The following MPP4 variants were observed in gnomAD, a reference collection of about 807,000 sequenced individuals.
MPP4 encodes the protein MAGUK p55 subfamily member 4.
In MPP4, 91 loss-of-function variants were observed where a neutral mutation model predicts 98.3. The observed-to-expected ratio is 0.93, with a 90% CI of 0.78 to 1.10. MPP4 has a LOEUF of 1.10. Among genes scored for constraint, MPP4 ranks in the 50% least tolerant of loss-of-function variants. MPP4 has a pLI of 0.00. For missense variants in MPP4, 744 were observed against 792.9 expected, an observed-to-expected ratio of 0.94 and a Z score of 0.74; for synonymous variants, 261 against 271.8, an observed-to-expected ratio of 0.96 and a Z score of 0.39.
At position 201,680,962 on chromosome 2, in the gene MPP4, G is replaced by A. The variant is rs1215400176; in HGVS notation, c.805C>T (p.Pro269Ser). ...TGGAGGATGTCCCCCTTCTGGAAAG[G>A]CAATCCAGCGTCCATGCAGGGGATG... ...PDIPCMDAGL[P>S]FQKGDILQIV... Residue 269 changes from proline (P) to serine (S), a missense_variant, in exon 10 of 22, where the codon CCT becomes TCT. Physicochemically the swap from Pro to Ser is moderately conservative, Grantham distance 74 (BLOSUM62 -1). Coordinates refer to ENST00000409474, the MANE Select transcript of MPP4 (RefSeq NM_033066.3). 1.9e-6 allele frequency: 3 copies of A among 1,613,734 alleles called. No individual in the cohort carries two copies. The highest frequency in any genetic ancestry group is 2.5e-6 in the Non-Finnish European group (3 of 1,179,876).
chr2:201,688,624 TTTG>T (rs1363988575), intron 4 of MPP4, among the ~76,000 whole-genome samples: 1 of 152,122 alleles, frequency 6.6e-6, no homozygotes, highest in Non-Finnish European at 1.5e-5. Flanking sequence ...GGTTTGTTTG[TTTG>T]TTTTTTGAGA....
chr2:201,683,833 T>C (rs781759101), intron 7 of MPP4, among the ~76,000 whole-genome samples: 5 of 152,040 alleles, frequency 3.3e-5, no homozygotes, highest in Non-Finnish European at 5.9e-5. Flanking sequence ...TCTTGGTATT[T>C]ACAATGAGAA....
chr2:201,692,859 C>T, intron 3 of MPP4, 49 bp downstream of exon 3: 1 of 1,588,908 alleles, frequency 6.3e-7, no homozygotes, highest in African/African-American at 1.3e-5. Flanking sequence ...CTACACACTC[C>T]CCACAACCCC....
intron 18 of MPP4, among the ~76,000 whole-genome samples, chr2:201,653,236 G>C (rs1455112869): frequency 6.6e-6 from 1 of 152,146 alleles, no homozygotes; most frequent in African/African-American, 2.4e-5. Context: ...GCCACTTCCT[G>C]TAAGCTCTTC....
At chr2:201,662,946 T>C (rs1041142823) in intron 14 of MPP4, among the ~76,000 whole-genome samples, 14 of 152,180 alleles carry the variant, frequency 9.2e-5, no homozygotes, top group African/African-American at 2.9e-4. Context: ...GTCAACATTA[T>C]TTTGAGGGAC....
At chr2:201,694,135 G>A in intron 1 of MPP4, 81 bp from the exon 2 acceptor site, 1 of 1,361,780 alleles carries the variant, frequency 7.3e-7, no homozygotes, top group Non-Finnish European at 9.8e-7. Context: ...ATGAAACACA[G>A]TCTTCCCCTG....
intron 16 of MPP4, 135 bp from the exon 17 acceptor site, chr2:201,656,503 A>T: frequency 1.2e-6 from 1 of 853,372 alleles, no homozygotes; most frequent in Non-Finnish European, 1.7e-6. Flanking sequence ...AAGTTAGAAG[A>T]TGGGAAGTAA....
intron 11 of MPP4, among the ~76,000 whole-genome samples, chr2:201,674,705 A>G (rs905997283): frequency 6.6e-6 from 1 of 152,206 alleles, no homozygotes; most frequent in Non-Finnish European, 1.5e-5. Flanking sequence ...TTATAAAGCT[A>G]ATGAGAGACC....
intron 12 of MPP4, chr2:201,666,648 C>T (rs1411115760): frequency 3.2e-5 from 7 of 220,758 alleles, no homozygotes; most frequent in Non-Finnish European, 4.4e-5. Context: ...CGTTTGAACC[C>T]GGGAGGCAGA....
At chr2:201,688,066 TTA>T (rs1467020761) in intron 4 of MPP4, among the ~76,000 whole-genome samples, 2 of 152,176 alleles carry the variant, frequency 1.3e-5, no homozygotes, top group African/African-American at 4.8e-5. Flanking sequence ...GAATAAAATA[TTA>T]TATATGTGCT....
chr2:201,660,665 A>C (rs1279852001), intron 14 of MPP4, among the ~76,000 whole-genome samples: 1 of 152,098 alleles, frequency 6.6e-6, no homozygotes, highest in Non-Finnish European at 1.5e-5. Context: ...AAGTTAAAGG[A>C]AAGCAACAGG....
At chr2:201,695,596 A>G (rs1689155819) in intron 1 of MPP4, among the ~76,000 whole-genome samples, 1 of 152,180 alleles carries the variant, frequency 6.6e-6, no homozygotes, top group African/African-American at 2.4e-5. Context: ...GCTTAATCCC[A>G]CGGGGGAACA....
At chr2:201,693,064 G>C in intron 2 of MPP4, 35 bp from the exon 3 acceptor site, 1 of 1,595,648 alleles carries the variant, frequency 6.3e-7, no homozygotes, top group South Asian at 1.1e-5. Flanking sequence ...GGGGTGGCAG[G>C]TGCGGGTGTA....
At position 201,654,891 on chromosome 2, in the gene MPP4, G is replaced by A; in HGVS notation, c.1327C>T (p.Leu443Phe). 1 of 1,605,234 alleles carries A rather than the reference G, an allele frequency of 6.2e-7. No individual in the cohort carries two copies. The highest frequency in any genetic ancestry group is 8.5e-7 in the Non-Finnish European group (1 of 1,175,854). The change falls in exon 18 of 22, where the codon CTC becomes TTC. Residue 443 changes from leucine to phenylalanine, a missense_variant. Physicochemically the swap from Leu to Phe is conservative, Grantham distance 22. Transcript: ENST00000409474. ...MGPSGVGVNE[L>F]RRQLIEFNPS... ...TTAAATTCAATAAGTTGTCTTCTGA[G>A]CTCATTTACTCCAACACCAGAGGGT...
In MPP4 at chr2:201,686,009, A is replaced by C. The variant is rs760828568; in HGVS notation, c.402T>G (p.Phe134Leu). ...SAHDTIAQKDFEPLLPPLPDN... is the reference protein window; with the variant it reads ...SAHDTIAQKDLEPLLPPLPDN... The stretch of plus-strand genomic sequence containing the variant: ...CTGGCAGTGGAGGGAGAAGGGGTTC[A>C]AAATCTTTCTGAGCTATCGTGTCAT... Residue 134 changes from phenylalanine (F) to leucine (L), a missense_variant, in exon 6 of 22, where the codon TTT becomes TTG. Physicochemically the swap from Phe to Leu is conservative, Grantham distance 22. Transcript: ENST00000409474. 1.9e-6 allele frequency: 3 copies of C among 1,612,748 alleles called. No homozygotes were observed. In the South Asian group the frequency reaches 3.3e-5, roughly 18 times the overall value.
At chr2:201,650,993 C>G (rs765686629) in intron 18 of MPP4, 172 of 984,332 alleles carry the variant, frequency 1.7e-4, no homozygotes, top group Non-Finnish European at 2.1e-4. Flanking sequence ...TACTGAGTGC[C>G]TACTATGTTC....
intron 21 of MPP4, 59 bp downstream of exon 21, chr2:201,647,632 A>C: frequency 3.2e-6 from 5 of 1,576,618 alleles, no homozygotes; most frequent in Non-Finnish European, 8.7e-7. Context: ...AGCCCAACCC[A>C]GATCTCTCCC....
At position 201,692,898 on chromosome 2, in the gene MPP4, A is replaced by C. The variant is rs1208254575; in HGVS notation, c.201+10T>G. On this transcript the variant is annotated intron_variant, in intron 3 of 21. Transcript: ENST00000409474. ...AGCAAGCAAAGGCTTCCGAGCAAAG[A>C]AGCACTCACCTTTAGCAGAGCCTGA... 34 of 1,605,016 alleles carry C rather than the reference A, an allele frequency of 2.1e-5. No homozygotes were observed. The highest frequency in any genetic ancestry group is 2.7e-5 in the Non-Finnish European group (32 of 1,175,904).
At chr2:201,695,854 G>C (rs556174189) in intron 1 of MPP4, among the ~76,000 whole-genome samples, 137 of 152,266 alleles carry the variant, frequency 9.0e-4, no homozygotes, top group Non-Finnish European at 1.8e-3. Flanking sequence ...ACAACCAAGG[G>C]GTATGCGGTG....
Sources: gnomAD v4.1 joint callset for allele counts (sites outside exome capture counted in the v4.1 genomes callset) on GRCh38, gnomAD v4.1.1 for gene constraint, MANE v1.5 for transcripts, NCBI Gene and HGNC (gene_info 2026-07-23, HGNC 2026-07-21) for gene names.